The following KIR3DL1 variants were observed in gnomAD, a reference collection of about 807,000 sequenced individuals.
KIR3DL1 encodes the protein killer cell immunoglobulin like receptor, three Ig domains and long cytoplasmic tail 1.
In KIR3DL1, 50 loss-of-function variants were observed where a neutral mutation model predicts 40.3. The observed-to-expected ratio is 1.24, with a 90% CI of 0.99 to 1.57. The LOEUF (loss-of-function observed/expected upper bound fraction) is 1.57, where lower values mean the gene tolerates loss of function less well. Among genes scored for constraint, KIR3DL1 ranks in the 40% most tolerant of loss-of-function variants. The pLI is 0.00. For missense variants in KIR3DL1, 661 were observed against 559.9 expected, an observed-to-expected ratio of 1.18 and a Z score of -1.82; for synonymous variants, 257 against 207.2, an observed-to-expected ratio of 1.24 and a Z score of -2.07.
At chr19:54,819,983 C>T (rs781364223) in exon 4 of KIR3DL1, 2 of 1,611,130 alleles carry the variant, frequency 1.2e-6, no homozygotes, top group South Asian at 1.1e-5. Flanking sequence ...TTGTCAGCTC[C>T]CAGTGATCCC....
At chr19:54,827,741 G>C (rs2061979566) in intron 6 of KIR3DL1, among the ~76,000 whole-genome samples, 1 of 150,534 alleles carries the variant, frequency 6.6e-6, no homozygotes, top group Non-Finnish European at 1.5e-5. Flanking sequence ...TTATCCATTA[G>C]GCAATCAGCC....
chr19:54,817,471 G>A, intron 1 of KIR3DL1, 63 bp from the exon 2 acceptor site: 1 of 1,327,522 alleles, frequency 7.5e-7, no homozygotes, highest in Non-Finnish European at 1.1e-6. Context: ...ACAGCCCAGT[G>A]GGGGCAGCAG....
chr19:54,824,482 G>C (rs2061785016), intron 5 of KIR3DL1, among the ~76,000 whole-genome samples: 1 of 151,308 alleles, frequency 6.6e-6, no homozygotes, highest in Non-Finnish European at 1.5e-5. Flanking sequence ...TTCAAGACCA[G>C]GCTGGCCAAC....
In KIR3DL1 at chr19:54,823,925, T is replaced by A. The variant is rs1049626616; in HGVS notation, c.950-1103T>A. 1.9e-3 allele frequency among the ~76,000 whole-genome samples: 277 copies of A among 144,372 alleles called. 6 individuals are homozygous for A. Among genetic ancestry groups the A allele is most frequent in the African/African-American group, 6.7e-3 (262 of 39,280 alleles). The allele number at this position is 144,372 out of a possible 152,430, so 94.7% of individuals were successfully genotyped here. On this transcript the variant is annotated intron_variant, in intron 5 of 8. Coordinates refer to ENST00000391728, the Ensembl canonical transcript of KIR3DL1. ...TTGTTTGTGGAGAAATGTCTCCTCA[T>A]GTCTTTTGCTCGTTTTTTAATTAAA... is the stretch of plus-strand genomic sequence containing the variant.
exon 3 of KIR3DL1, chr19:54,818,547 C>T (rs760868943): frequency 1.2e-6 from 2 of 1,611,576 alleles, no homozygotes; most frequent in Non-Finnish European, 1.7e-6. Flanking sequence ...CACACCCACA[C>T]TCCCCCACTG....
chr19:54,821,518 A>G (rs688276), intron 4 of KIR3DL1, 47 bp from the exon 5 acceptor site: 343,381 of 1,564,876 alleles, frequency 0.22, 39,916 homozygotes, highest in South Asian at 0.32. Context: ...GAGGGGAGCT[A>G]TGACAAGGAA....
At chr19:54,817,083 A>G (rs2061382677) in intron 1 of KIR3DL1, among the ~76,000 whole-genome samples, 1 of 144,650 alleles carries the variant, frequency 6.9e-6, no homozygotes, top group Non-Finnish European at 1.5e-5. Flanking sequence ...GGGTGGAGAT[A>G]CGGGCCTGGA....
chr19:54,821,158 A>G (rs2061612652), intron 4 of KIR3DL1, among the ~76,000 whole-genome samples: 2 of 150,434 alleles, frequency 1.3e-5, no homozygotes, highest in Admixed American at 1.3e-4. Flanking sequence ...GACAATTGAT[A>G]GAGAGATAGA....
intron 3 of KIR3DL1, 107 bp downstream of exon 3, chr19:54,818,706 G>A (rs2061483208): frequency 1.4e-6 from 2 of 1,433,208 alleles, no homozygotes; most frequent in Non-Finnish European, 1.9e-6. Flanking sequence ...GACTGTATTT[G>A]GGGTCAAGGG....
At chr19:54,821,427 A>G (rs1439624156) in intron 4 of KIR3DL1, 138 bp from the exon 5 acceptor site, 47 of 1,158,554 alleles carry the variant, frequency 4.1e-5, no homozygotes, top group Non-Finnish European at 5.5e-5. Context: ...AACAGATATG[A>G]AGAGAGATGG....
intron 6 of KIR3DL1, among the ~76,000 whole-genome samples, chr19:54,826,545 C>A (rs1329605980): frequency 3.4e-5 from 5 of 146,192 alleles, no homozygotes; most frequent in Non-Finnish European, 7.5e-5. Context: ...GTCTGAAACT[C>A]CCAACCTCAA....
chr19:54,830,018 T>A lies in KIR3DL1; in HGVS notation c.1158+38T>A, dbSNP rs1569474112. On this transcript the variant is annotated intron_variant, in intron 8 of 8. Transcript: ENST00000391728. ...CGGCCCAGCCTCGTGGCTAGTGTTA[T>A]TCCCAAACAGTCCTGGAAAACGTGA... is the stretch of plus-strand genomic sequence containing the variant. The A allele has an allele frequency of 7.9e-6, 12 of 1,523,746 alleles. 1 individual carries two copies. The highest frequency in any genetic ancestry group is 1.4e-5 in the African/African-American group (1 of 72,092). 94.4% of individuals were successfully genotyped at this position (1,523,746 alleles called of 1,614,324 possible).
chr19:54,830,418 A>G (rs1176997098), exon 9 of KIR3DL1: 5 of 1,016,676 alleles, frequency 4.9e-6, no homozygotes, highest in Non-Finnish European at 5.9e-6. Context: ...TCACGCCACA[A>G]ATCTGGTGCC....
rs570669351 is a variant in KIR3DL1 at position 54,822,954 on chromosome 19, T to C, written c.949+1096T>C. 5.4e-5 allele frequency among the ~76,000 whole-genome samples: 8 copies of C among 149,054 alleles called. No individual in the cohort carries two copies. In the East Asian group the frequency reaches 1.6e-3, roughly 29 times the overall value. On this transcript the variant is annotated intron_variant, in intron 5 of 8. Transcript: ENST00000391728. ...GCTGGAACAGTCATATGAGTGCAGA[T>C]ATCACTTCGATACACTGATGTCCTT...
chr19:54,820,013 G>A lies in KIR3DL1; in HGVS notation c.655+1G>A. Reference sequence around the variant, plus strand: ...GATCCCCTGGACATCGTGGTCACAGGTGAGAGTGTCTAGACATTGTTCTCA... The same window carrying A: ...GATCCCCTGGACATCGTGGTCACAGATGAGAGTGTCTAGACATTGTTCTCA... On this transcript the variant is annotated splice_donor_variant, in intron 4 of 8. Transcript: ENST00000391728. LOFTEE classifies it high-confidence loss of function. The A allele has an allele frequency of 3.7e-6, 6 of 1,609,184 alleles. No individual in the cohort carries two copies. The highest frequency in any genetic ancestry group is 5.1e-6 in the Non-Finnish European group (6 of 1,177,758).
intron 6 of KIR3DL1, among the ~76,000 whole-genome samples, chr19:54,826,845 G>A (rs1199473763): frequency 1.3e-5 from 2 of 151,568 alleles, no homozygotes. Flanking sequence ...ATGAGGTGGG[G>A]AGAATGACAA....
At chr19:54,827,587 C>G (rs2061970371) in intron 6 of KIR3DL1, among the ~76,000 whole-genome samples, 1 of 150,350 alleles carries the variant, frequency 6.7e-6, no homozygotes, top group Non-Finnish European at 1.5e-5. Flanking sequence ...TGCACTCCAG[C>G]CTGGGTGACA....
At chr19:54,820,134 T>C (rs2061563725) in intron 4 of KIR3DL1, 122 bp downstream of exon 4, 2 of 1,061,722 alleles carry the variant, frequency 1.9e-6, no homozygotes, top group Non-Finnish European at 2.8e-6. Context: ...AGAGAGTGAC[T>C]TGGTGAGGTC....
rs1382453283 is a variant in KIR3DL1, at chr19:54,825,470, A to C, written c.1000+392A>C. 8.6e-4 allele frequency among the ~76,000 whole-genome samples: 123 copies of C among 143,548 alleles called. 1 individual carries two copies. The highest frequency in any genetic ancestry group is 2.7e-3 in the African/African-American group (100 of 36,988). 94.2% of individuals were successfully genotyped at this position (143,548 alleles called of 152,430 possible). A position where few individuals can be genotyped will look rare whatever the true frequency, so the allele number is the denominator to read the frequency against. On this transcript the variant is annotated intron_variant, in intron 6 of 8. Transcript: ENST00000391728. The stretch of plus-strand genomic sequence containing the variant: ...AGTTCCACTTGCCAAGGAATGAATT[A>C]CTGTTGGTCATGAAGCAACCCTGGC...
Sources: allele counts gnomAD v4.1 joint callset (sites outside exome capture counted in the v4.1 genomes callset), GRCh38; gene constraint gnomAD v4.1.1; transcripts MANE v1.5; gene names NCBI Gene and HGNC (gene_info 2026-07-23, HGNC 2026-07-21).